Variants in FAM210A observed in about 807,000 individuals in gnomAD.
FAM210A encodes mitochondrial inner membrane scaffold 1, also known as family with sequence similarity 210 member A.
In FAM210A, 13 loss-of-function variants were observed where a neutral mutation model predicts 25.3. That is an observed-to-expected ratio of 0.51 (90% CI 0.33 to 0.82). The LOEUF is 0.82. Among genes scored for constraint, FAM210A ranks in the 40% least tolerant of loss-of-function variants. The pLI, the probability that FAM210A is intolerant of heterozygous loss-of-function variation, is 0.02. For synonymous variants in FAM210A, 125 were observed against 118.7 expected, an observed-to-expected ratio of 1.05 and a Z score of -0.35; for missense variants, 319 against 323.2, an observed-to-expected ratio of 0.99 and a Z score of 0.10.
chr18:13,716,754 T>C (rs1484559607), intron 1 of FAM210A, among the ~76,000 whole-genome samples: 1 of 152,186 alleles, frequency 6.6e-6, no homozygotes, highest in Non-Finnish European at 1.5e-5. Context: ...CTGCCTCCTG[T>C]TGCTGCCTTG....
intron 1 of FAM210A, among the ~76,000 whole-genome samples, chr18:13,693,742 T>A (rs1213050474): frequency 6.6e-6 from 1 of 150,396 alleles, no homozygotes; most frequent in Non-Finnish European, 1.5e-5. Flanking sequence ...ATGGGCTGTA[T>A]CTCAAAATAA....
chr18:13,691,655 C>T (rs1192840963), intron 1 of FAM210A, among the ~76,000 whole-genome samples: 1 of 151,030 alleles, frequency 6.6e-6, no homozygotes, highest in Non-Finnish European at 1.5e-5. Context: ...CCAAACTAAG[C>T]TTCATAAGTG....
At chr18:13,704,811 T>G (rs1331784088) in intron 1 of FAM210A, among the ~76,000 whole-genome samples, 1 of 152,216 alleles carries the variant, frequency 6.6e-6, no homozygotes, top group African/African-American at 2.4e-5. Flanking sequence ...TAATTACAGT[T>G]ATTATGTTGT....
At chr18:13,670,703 A>G (rs76405618) in intron 3 of FAM210A, among the ~76,000 whole-genome samples, 7,741 of 152,170 alleles carry the variant, frequency 0.051, 310 homozygotes, top group Non-Finnish European at 0.078. Flanking sequence ...TATCAAGATG[A>G]TGCTGTCAGG....
chr18:13,725,269 T>C (rs1406436593), intron 1 of FAM210A, among the ~76,000 whole-genome samples: 1 of 152,214 alleles, frequency 6.6e-6, no homozygotes, highest in African/African-American at 2.4e-5. Context: ...TGTAATGAGA[T>C]TAATTCTCAA....
chr18:13,709,590 G>T (rs1601965273), intron 1 of FAM210A, among the ~76,000 whole-genome samples: 2 of 152,120 alleles, frequency 1.3e-5, no homozygotes, highest in Non-Finnish European at 2.9e-5. Flanking sequence ...TGCTCTATTG[G>T]TTTCATTTTT....
intron 1 of FAM210A, among the ~76,000 whole-genome samples, chr18:13,702,942 G>C (rs1290761100): frequency 6.6e-6 from 1 of 152,072 alleles, no homozygotes. Flanking sequence ...AAATTTAAAA[G>C]GACTTTTTTA....
At chr18:13,692,785 G>C (rs917398331) in intron 1 of FAM210A, among the ~76,000 whole-genome samples, 2 of 152,182 alleles carry the variant, frequency 1.3e-5, no homozygotes, top group Non-Finnish European at 2.9e-5. Flanking sequence ...ATGCCCACAA[G>C]AGAAAGCAGG....
chr18:13,674,184 T>G (rs1239509959), intron 2 of FAM210A, among the ~76,000 whole-genome samples: 1 of 148,616 alleles, frequency 6.7e-6, no homozygotes, highest in African/African-American at 2.5e-5. Context: ...GAGCCCTGGC[T>G]TCTTTATTTC....
chr18:13,674,762 A>T (rs529005627), intron 2 of FAM210A, among the ~76,000 whole-genome samples: 3 of 11,562 alleles, frequency 2.6e-4, no homozygotes, highest in Admixed American at 1.0e-3. Flanking sequence ...CTGAGCCCCG[A>T]CTTTATTTCC....
At chr18:13,702,177 G>A (rs2043746161) in intron 1 of FAM210A, among the ~76,000 whole-genome samples, 1 of 152,330 alleles carries the variant, frequency 6.6e-6, no homozygotes, top group South Asian at 2.1e-4. Flanking sequence ...CAGCAAAAGG[G>A]TAAGGCTTTC....
chr18:13,686,693 C>T (rs1382786844), intron 1 of FAM210A, among the ~76,000 whole-genome samples: 1 of 152,132 alleles, frequency 6.6e-6, no homozygotes, highest in Non-Finnish European at 1.5e-5. Context: ...CTCAAAAAGA[C>T]AAACTGCCAA....
intron 2 of FAM210A, among the ~76,000 whole-genome samples, chr18:13,679,915 C>T (rs1245887374): frequency 6.6e-6 from 1 of 152,112 alleles, no homozygotes; most frequent in Non-Finnish European, 1.5e-5. Context: ...TTTTCAGTTA[C>T]AGAACTTTTA....
At chr18:13,696,774 A>G (rs1290646084) in intron 1 of FAM210A, among the ~76,000 whole-genome samples, 1 of 152,274 alleles carries the variant, frequency 6.6e-6, no homozygotes, top group Admixed American at 6.5e-5. Flanking sequence ...AATAAAGGTA[A>G]GCTAAAGTCA....
At chr18:13,703,982 G>A (rs995048067) in intron 1 of FAM210A, among the ~76,000 whole-genome samples, 1 of 152,092 alleles carries the variant, frequency 6.6e-6, no homozygotes, top group African/African-American at 2.4e-5. Flanking sequence ...ATCTTGTATG[G>A]TAAATTCTTT....
chr18:13,679,327 G>A (rs1054117486), intron 2 of FAM210A, among the ~76,000 whole-genome samples: 12 of 152,074 alleles, frequency 7.9e-5, no homozygotes, highest in Non-Finnish European at 1.6e-4. Flanking sequence ...ACAAACAAAC[G>A]AACAACACTA....
At chr18:13,716,033 C>G (rs1019439834) in intron 1 of FAM210A, among the ~76,000 whole-genome samples, 2 of 152,102 alleles carry the variant, frequency 1.3e-5, no homozygotes, top group Admixed American at 6.6e-5. Flanking sequence ...ACTCAACACC[C>G]GAAGTGTAAC....
intron 2 of FAM210A, among the ~76,000 whole-genome samples, chr18:13,673,468 T>A (rs1490392744): frequency 1.3e-5 from 2 of 149,712 alleles, no homozygotes; most frequent in Admixed American, 6.7e-5. Flanking sequence ...AACCCCGACT[T>A]CTTTATTTCC....
chr18:13,709,097 CCT>C (rs1438575381), intron 1 of FAM210A, among the ~76,000 whole-genome samples: 2 of 152,190 alleles, frequency 1.3e-5, no homozygotes, highest in Non-Finnish European at 2.9e-5. Context: ...TGATCAGATT[CCT>C]CTCACATTCT....
Sources: allele counts gnomAD v4.1 joint callset (sites outside exome capture counted in the v4.1 genomes callset), GRCh38; gene constraint gnomAD v4.1.1; transcripts MANE v1.5; gene names NCBI Gene and HGNC (gene_info 2026-07-23, HGNC 2026-07-21).